Variants in DCPH1 observed in about 807,000 individuals in gnomAD.
DCPH1 encodes damage-control phosphatase 1.
the DCPH1 span, chr6:151,458,441 A>G: frequency 5.6e-6 from 9 of 1,611,892 alleles, 1 homozygote; most frequent in Middle Eastern, 3.3e-4. Context: ...ATACTGATAT[A>G]TGGAATCAGT....
At chr6:151,460,419 A>G in the DCPH1 span, among the ~76,000 whole-genome samples, 7 of 151,052 alleles carry the variant, frequency 4.6e-5, no homozygotes, top group African/African-American at 1.7e-4. Flanking sequence ...TTTTTTTTTC[A>G]TATCACAATT....
the DCPH1 span, chr6:151,469,071 T>G: frequency 6.2e-7 from 1 of 1,613,508 alleles, no homozygotes; most frequent in South Asian, 1.1e-5. Context: ...GGTGGACCAC[T>G]GGAAAATATG....
chr6:151,470,044 GAAAT>G, the DCPH1 span: 10 of 152,106 alleles, frequency 6.6e-5, no homozygotes, highest in African/African-American at 9.7e-5. Context: ...ACTGAAATTG[GAAAT>G]AAATCTGGAA....
the DCPH1 span, among the ~76,000 whole-genome samples, chr6:151,463,587 A>G: frequency 6.6e-6 from 1 of 152,180 alleles, no homozygotes; most frequent in Admixed American, 6.5e-5. Flanking sequence ...GAGGTGACTG[A>G]CTGGCTGGAA....
At chr6:151,459,724 G>A in the DCPH1 span, among the ~76,000 whole-genome samples, 2 of 152,154 alleles carry the variant, frequency 1.3e-5, no homozygotes, top group African/African-American at 4.8e-5. Flanking sequence ...CTGGGAGGCG[G>A]AGGTTCCAGT....
chr6:151,453,566 AGT>A, the DCPH1 span, among the ~76,000 whole-genome samples: 1 of 152,224 alleles, frequency 6.6e-6, no homozygotes, highest in African/African-American at 2.4e-5. Context: ...AGAGTCGGAA[AGT>A]GTGTGCAGTT....
chr6:151,457,462 C>CT, the DCPH1 span, among the ~76,000 whole-genome samples: 1 of 152,156 alleles, frequency 6.6e-6, no homozygotes, highest in Non-Finnish European at 1.5e-5. Flanking sequence ...AAGTTTAAGA[C>CT]TTTAGGGAAG....
the DCPH1 span, among the ~76,000 whole-genome samples, chr6:151,460,552 G>A: frequency 5.9e-5 from 9 of 151,782 alleles, no homozygotes; most frequent in African/African-American, 1.7e-4. Flanking sequence ...TTGGGAGGCC[G>A]AGGCAGGCAG....
the DCPH1 span, chr6:151,458,466 C>T: frequency 1.9e-6 from 3 of 1,613,248 alleles, no homozygotes; most frequent in East Asian, 6.7e-5. Flanking sequence ...AGAATATCAA[C>T]AGAGTCTTTT....
the DCPH1 span, chr6:151,452,591 G>A: frequency 6.2e-6 from 10 of 1,606,382 alleles, no homozygotes; most frequent in Non-Finnish European, 6.8e-6. Context: ...CGTGGGGTTA[G>A]TCTAGCTTTT....
the DCPH1 span, among the ~76,000 whole-genome samples, chr6:151,465,022 C>T: frequency 6.6e-6 from 1 of 152,160 alleles, no homozygotes; most frequent in South Asian, 2.1e-4. Context: ...GTTTCCTCCT[C>T]TGTTCAGTGA....
chr6:151,460,077 C>G, the DCPH1 span, among the ~76,000 whole-genome samples: 2 of 151,604 alleles, frequency 1.3e-5, no homozygotes, highest in East Asian at 3.9e-4. Context: ...TGTTGTTGTT[C>G]TTGTTGTTGT....
the DCPH1 span, among the ~76,000 whole-genome samples, chr6:151,462,201 A>G: frequency 6.6e-6 from 1 of 152,358 alleles, no homozygotes; most frequent in South Asian, 2.1e-4. Flanking sequence ...GATTTTTAGA[A>G]AAACTTTTTA....
At chr6:151,454,279 AG>A in the DCPH1 span, among the ~76,000 whole-genome samples, 1 of 152,250 alleles carries the variant, frequency 6.6e-6, no homozygotes, top group Non-Finnish European at 1.5e-5. Flanking sequence ...GGAAAATAAA[AG>A]CAATAGAATA....
chr6:151,456,885 A>G, the DCPH1 span, among the ~76,000 whole-genome samples: 1 of 152,200 alleles, frequency 6.6e-6, no homozygotes, highest in African/African-American at 2.4e-5. Flanking sequence ...ATGAAGTCCT[A>G]GTATATTGCT....
chr6:151,459,586 A>G, the DCPH1 span, among the ~76,000 whole-genome samples: 1 of 152,012 alleles, frequency 6.6e-6, no homozygotes, highest in African/African-American at 2.4e-5. Flanking sequence ...GAGGTCAGGA[A>G]TTTGAGACCA....
chr6:151,467,334 C>T, the DCPH1 span, among the ~76,000 whole-genome samples: 7 of 151,434 alleles, frequency 4.6e-5, no homozygotes, highest in Non-Finnish European at 8.8e-5. Flanking sequence ...CAAGGTGGCT[C>T]ATGCTTATAA....
the DCPH1 span, among the ~76,000 whole-genome samples, chr6:151,461,969 T>C: frequency 6.6e-6 from 1 of 152,208 alleles, no homozygotes; most frequent in African/African-American, 2.4e-5. Context: ...TGTCTAATTT[T>C]TAGGTTCTTC....
At chr6:151,466,631 G>T in the DCPH1 span, among the ~76,000 whole-genome samples, 7 of 152,288 alleles carry the variant, frequency 4.6e-5, no homozygotes, top group East Asian at 1.4e-3. Flanking sequence ...CATTTCTGGG[G>T]CTACTGTGTC....
Sources: gnomAD v4.1 joint callset for allele counts (sites outside exome capture counted in the v4.1 genomes callset) on GRCh38, gnomAD v4.1.1 for gene constraint, MANE v1.5 for transcripts, NCBI Gene and HGNC (gene_info 2026-07-23, HGNC 2026-07-21) for gene names.